Variants in ITPRID1 observed in about 807,000 individuals in gnomAD.
ITPRID1 encodes the protein ITPR interacting domain containing 1.
ITPRID1 carries 96 observed loss-of-function variants against 95.4 expected under a neutral mutation model. The ratio of observed to expected loss-of-function variants is 1.01; its 90% CI spans 0.85 to 1.19. ITPRID1 has a LOEUF of 1.19. Ranked by LOEUF, ITPRID1 falls within the 50% of genes most tolerant of loss-of-function variation. ITPRID1 has a pLI of 0.00. For missense variants in ITPRID1, 1,339 were observed against 1,252.9 expected, an observed-to-expected ratio of 1.07 and a Z score of -1.04; for synonymous variants, 510 against 453.6, an observed-to-expected ratio of 1.12 and a Z score of -1.58.
At chr7:31,524,563 T>C (rs1783365512) in intron 1 of ITPRID1, among the ~76,000 whole-genome samples, 2 of 152,210 alleles carry the variant, frequency 1.3e-5, no homozygotes, top group African/African-American at 4.8e-5. Flanking sequence ...AAAAGGCAAT[T>C]TCAGTTTTCT....
intron 10 of ITPRID1, among the ~76,000 whole-genome samples, chr7:31,585,335 T>C (rs1347218929): frequency 6.6e-6 from 1 of 152,184 alleles, no homozygotes; most frequent in African/African-American, 2.4e-5. Flanking sequence ...AGAAAAATTA[T>C]GTTTAAGCAT....
At position 31,642,859 on chromosome 7, in the gene ITPRID1, G is replaced by T; in HGVS notation, c.1489G>T (p.Ala497Ser). 1 of 1,614,038 alleles carries T rather than the reference G, an allele frequency of 6.2e-7. No homozygotes were observed. Among genetic ancestry groups the T allele is most frequent in the East Asian group, 2.2e-5 (1 of 44,868 alleles). Residue 497 changes from alanine to serine, a missense_variant, in exon 12 of 15, where the codon GCC (alanine) becomes TCC (serine). Ala to Ser is a moderately conservative substitution (Grantham distance 99). Coordinates refer to ENST00000615280, the MANE Select transcript of ITPRID1 (RefSeq NM_001257967.3). ...AGAAGCGAATGCCTTGGAACAAAGG[G>T]CCTCAGTATCTGTGATGGAGGAAGA... ...SQEANALEQR[A>S]SVSVMEEEFL...
At chr7:31,571,684 T>G (rs1784993527) in intron 6 of ITPRID1, among the ~76,000 whole-genome samples, 1 of 152,330 alleles carries the variant, frequency 6.6e-6, no homozygotes. Context: ...CCATGTGATA[T>G]GAAATCCTTC....
chr7:31,578,612 G>A (rs1185976254), intron 9 of ITPRID1, among the ~76,000 whole-genome samples, 178 bp downstream of exon 9: 1 of 152,146 alleles, frequency 6.6e-6, no homozygotes. Context: ...AAATAAGCTA[G>A]TAGGAAACCA....
chr7:31,591,233 A>T (rs10225770), intron 10 of ITPRID1, among the ~76,000 whole-genome samples: 12,601 of 152,076 alleles, frequency 0.083, 638 homozygotes, highest in Middle Eastern at 0.13. Flanking sequence ...GACAGGTCTT[A>T]GTTTAATTGG....
intron 6 of ITPRID1, among the ~76,000 whole-genome samples, chr7:31,570,090 A>G (rs556952699): frequency 3.3e-5 from 5 of 152,354 alleles, no homozygotes; most frequent in African/African-American, 9.6e-5. Flanking sequence ...CTGTACTGCA[A>G]CTGTTCATAA....
intron 12 of ITPRID1, among the ~76,000 whole-genome samples, chr7:31,647,433 G>C (rs1335204571): frequency 6.6e-6 from 1 of 151,804 alleles, no homozygotes; most frequent in Non-Finnish European, 1.5e-5. Context: ...AGGCCAAGAT[G>C]GGTGGATCAC....
At chr7:31,573,012 AT>A (rs1364939907) in intron 7 of ITPRID1, among the ~76,000 whole-genome samples, 2 of 152,112 alleles carry the variant, frequency 1.3e-5, no homozygotes, top group Admixed American at 6.6e-5. Flanking sequence ...TCTCACCAGA[AT>A]TTTTTTCTTC....
At chr7:31,539,478 CA>C (rs1358783996) in intron 1 of ITPRID1, among the ~76,000 whole-genome samples, 5 of 152,204 alleles carry the variant, frequency 3.3e-5, no homozygotes, top group African/African-American at 1.2e-4. Flanking sequence ...CTGCACTTGA[CA>C]GGGCATAAAT....
intron 10 of ITPRID1, among the ~76,000 whole-genome samples, chr7:31,602,654 C>T (rs374207245): frequency 3.9e-5 from 6 of 152,060 alleles, no homozygotes; most frequent in South Asian, 2.1e-4. Context: ...GCTGGGTAGT[C>T]GCCATCGGGG....
intron 1 of ITPRID1, among the ~76,000 whole-genome samples, chr7:31,532,083 T>C (rs1200449451): frequency 6.6e-6 from 1 of 152,172 alleles, no homozygotes. Context: ...AGTTTCCCTA[T>C]TGGCAATCTG....
intron 5 of ITPRID1, among the ~76,000 whole-genome samples, chr7:31,557,315 T>C (rs1784480638): frequency 1.3e-5 from 2 of 152,090 alleles, no homozygotes; most frequent in South Asian, 4.1e-4. Flanking sequence ...GTCTTCATCT[T>C]ACAGGTGACC....
chr7:31,636,907 C>T (rs2128203009), intron 10 of ITPRID1, among the ~76,000 whole-genome samples: 1 of 123,510 alleles, frequency 8.1e-6, no homozygotes, highest in East Asian at 2.7e-4. Flanking sequence ...GACAACAGTC[C>T]CTGGTGTGTG....
intron 10 of ITPRID1, among the ~76,000 whole-genome samples, chr7:31,636,588 G>A (rs781137180): frequency 2.0e-5 from 3 of 152,074 alleles, no homozygotes; most frequent in African/African-American, 7.2e-5. Flanking sequence ...TTCCCCTAAT[G>A]CCTATATAGT....
chr7:31,604,192 C>T (rs927987747), intron 10 of ITPRID1, among the ~76,000 whole-genome samples: 3 of 152,104 alleles, frequency 2.0e-5, no homozygotes, highest in Non-Finnish European at 4.4e-5. Context: ...GCATTCTGTG[C>T]GACAGGCACT....
At chr7:31,574,046 A>C (rs1039121712) in intron 7 of ITPRID1, among the ~76,000 whole-genome samples, 3 of 152,172 alleles carry the variant, frequency 2.0e-5, no homozygotes, top group Non-Finnish European at 2.9e-5. Flanking sequence ...TTATTTGTAA[A>C]CATCAGTCCT....
chr7:31,555,014 C>G, intron 5 of ITPRID1, 113 bp downstream of exon 5: 2 of 810,752 alleles, frequency 2.5e-6, no homozygotes. Flanking sequence ...TAGAAATGAT[C>G]AGCCCTCAAA....
intron 1 of ITPRID1, among the ~76,000 whole-genome samples, chr7:31,535,272 C>T (rs1021695537): frequency 1.3e-5 from 2 of 151,930 alleles, no homozygotes; most frequent in Non-Finnish European, 2.9e-5. Flanking sequence ...TGGTATACTT[C>T]GAAATATCAC....
intron 10 of ITPRID1, among the ~76,000 whole-genome samples, chr7:31,637,694 C>G (rs545823973): frequency 4.6e-5 from 7 of 152,282 alleles, no homozygotes; most frequent in African/African-American, 9.6e-5. Flanking sequence ...GTTGCTTGTT[C>G]ACTCTGATGG....
Sources: allele counts gnomAD v4.1 joint callset (sites outside exome capture counted in the v4.1 genomes callset), GRCh38; gene constraint gnomAD v4.1.1; transcripts MANE v1.5; gene names NCBI Gene and HGNC (gene_info 2026-07-23, HGNC 2026-07-21).